The following CAGE1 variants were observed in gnomAD, a reference collection of about 807,000 sequenced individuals.
CAGE1 encodes cancer-associated gene 1 protein.
Under a neutral mutation model 94.9 loss-of-function variants are expected in CAGE1, and 66 were observed. That is an observed-to-expected ratio of 0.70 (90% CI 0.57 to 0.85). CAGE1 has a LOEUF of 0.85. CAGE1 is among the 40% of genes least tolerant of loss of function. The pLI, the probability that CAGE1 is intolerant of heterozygous loss-of-function variation, is 0.00. For missense variants in CAGE1, 865 were observed against 950.4 expected, an observed-to-expected ratio of 0.91 and a Z score of 1.18; for synonymous variants, 319 against 321.0, an observed-to-expected ratio of 0.99 and a Z score of 0.07.
At chr6:7,370,089 G>C in intron 5 of CAGE1, 24 bp from the exon 6 acceptor site, 1 of 1,533,668 alleles carries the variant, frequency 6.5e-7, no homozygotes, top group Non-Finnish European at 8.8e-7. Flanking sequence ...ATTCAGATTT[G>C]TCAAAATAAT....
intron 9 of CAGE1, among the ~76,000 whole-genome samples, chr6:7,358,529 T>C (rs906881968): frequency 2.6e-5 from 4 of 152,178 alleles, no homozygotes; most frequent in African/African-American, 9.7e-5. Flanking sequence ...ACATATGCTT[T>C]CATTTCTCTT....
chr6:7,352,315 A>AC (rs1759808817), intron 11 of CAGE1, among the ~76,000 whole-genome samples: 1 of 111,504 alleles, frequency 9.0e-6, no homozygotes, highest in African/African-American at 5.1e-5. Flanking sequence ...ACAAAAAAAA[A>AC]CAAAAAAAAA....
intron 11 of CAGE1, among the ~76,000 whole-genome samples, chr6:7,342,402 G>A (rs556377181): frequency 2.0e-5 from 3 of 152,286 alleles, no homozygotes; most frequent in East Asian, 1.9e-4. Context: ...ATGGTCTACC[G>A]CAAGTGCAGC....
Position 7,368,900 on chromosome 6 carries a change from A to G in CAGE1, c.1894-102T>C, listed in dbSNP as rs1034803414. 3 of 653,500 alleles carry G rather than the reference A, an allele frequency of 4.6e-6. No homozygotes were observed. In the African/African-American group the frequency reaches 5.7e-5, roughly 12 times the overall value. 40.5% of individuals were successfully genotyped at this position (653,500 alleles called of 1,614,324 possible). On this transcript the variant is annotated intron_variant, in intron 6 of 13. Coordinates refer to ENST00000502583, the MANE Select transcript of CAGE1 (RefSeq NM_001170692.2). ...AACAAAAACAAATCTCCTTTCAATA[A>G]GTAAGCCAATCAAAAGAGGTAAAAT...
rs1176173460 is a variant in CAGE1, at chr6:7,376,361, C to A, written c.688-2230G>T. On this transcript the variant is annotated intron_variant, in intron 4 of 13. Transcript: ENST00000502583. ...CCAAGATGGTGCCACTGCACTGCAG[C>A]CTGGGCGACAGAGCGAGACTCCATC... Among the ~76,000 whole-genome samples the A allele has an allele frequency of 2.6e-5, 4 of 151,478 alleles. No homozygotes were observed. In the East Asian group the frequency reaches 5.9e-4, roughly 22 times the overall value.
intron 12 of CAGE1, chr6:7,331,763 G>T: frequency 6.2e-6 from 1 of 160,430 alleles, no homozygotes; most frequent in Admixed American, 6.4e-5. Context: ...CCTGGGAAGT[G>T]GCAGTGGCAG....
rs988734235 is a variant in CAGE1, at chr6:7,345,083, C to T, written c.2369+9958G>A. On this transcript the variant is annotated intron_variant, in intron 11 of 13. Transcript: ENST00000502583. Reference sequence around the variant, plus strand: ...TGGTGTTGAAAGCTTTGTTCTTTCACCCTGCAGTAAATCTTAACTCTTGTT... The same window carrying T: ...TGGTGTTGAAAGCTTTGTTCTTTCATCCTGCAGTAAATCTTAACTCTTGTT... 4.3e-4 allele frequency among the ~76,000 whole-genome samples: 66 copies of T among 151,944 alleles called. 1 individual carries two copies. The highest frequency in any genetic ancestry group is 9.2e-4 in the African/African-American group (38 of 41,394).
rs111484511 is a variant in CAGE1 at position 7,389,725 on chromosome 6, C to T, written c.-547G>A. The T allele has an allele frequency of 1.8e-5, 10 of 554,740 alleles. No individual in the cohort carries two copies. Among genetic ancestry groups the T allele is most frequent in the Admixed American group, 9.5e-5 (3 of 31,578 alleles). The allele number at this position is 554,740 out of a possible 1,614,324, so 34.4% of individuals were successfully genotyped here. A position where few individuals can be genotyped will look rare whatever the true frequency, so the allele number is the denominator to read the frequency against. On this transcript the variant is annotated 5_prime_UTR_variant, in exon 1 of 14. Coordinates refer to ENST00000502583, the MANE Select transcript of CAGE1 (RefSeq NM_001170692.2). ...AGAACATCCACAGCCCTATACAGCGCGCCATCCAGAGAGCTCCGGACTCCC... is the reference window on the plus strand; with the variant it reads ...AGAACATCCACAGCCCTATACAGCGTGCCATCCAGAGAGCTCCGGACTCCC...
chr6:7,350,972 G>T (rs1239580505), intron 11 of CAGE1, among the ~76,000 whole-genome samples: 1 of 151,998 alleles, frequency 6.6e-6, no homozygotes, highest in Non-Finnish European at 1.5e-5. Flanking sequence ...GAAACAAAAA[G>T]CTGGTTCTTT....
chr6:7,344,554 C>G (rs528724542), intron 11 of CAGE1, among the ~76,000 whole-genome samples: 10 of 152,234 alleles, frequency 6.6e-5, no homozygotes, highest in African/African-American at 9.6e-5. Context: ...CCGCCCCCTG[C>G]TCTACAGCGC....
At chr6:7,351,038 A>G (rs1759750473) in intron 11 of CAGE1, among the ~76,000 whole-genome samples, 1 of 152,228 alleles carries the variant, frequency 6.6e-6, no homozygotes, top group East Asian at 1.9e-4. Flanking sequence ...TTGATAGATC[A>G]TTGATAAATA....
chr6:7,374,688 G>A (rs560607968), intron 4 of CAGE1, among the ~76,000 whole-genome samples: 22 of 152,160 alleles, frequency 1.4e-4, no homozygotes, highest in African/African-American at 4.8e-4. Flanking sequence ...AGAAGAACAT[G>A]CCTCATGATT....
In CAGE1 at chr6:7,328,492, G is replaced by C. The variant is rs148345109; in HGVS notation, c.2478+1357C>G. Among the ~76,000 whole-genome samples the C allele has an allele frequency of 8.1e-3, 1,226 of 150,880 alleles. 7 individuals are homozygous for C. The highest frequency in any genetic ancestry group is 0.014 in the Non-Finnish European group (948 of 67,668). On this transcript the variant is annotated intron_variant, in intron 13 of 13. Coordinates refer to ENST00000502583, the MANE Select transcript of CAGE1 (RefSeq NM_001170692.2). ...ACTGAGTAACTGAGAGAAAGAGTTGGGGAAGAACATACCAAGTAGGAGAAG... is the reference window on the plus strand; with the variant it reads ...ACTGAGTAACTGAGAGAAAGAGTTGCGGAAGAACATACCAAGTAGGAGAAG...
At chr6:7,358,770 A>G (rs531387063) in intron 9 of CAGE1, among the ~76,000 whole-genome samples, 1 of 152,328 alleles carries the variant, frequency 6.6e-6, no homozygotes, top group South Asian at 2.1e-4. Flanking sequence ...CAGTGAGCCA[A>G]GATTGCACCA....
chr6:7,373,382 G>A lies in CAGE1; in HGVS notation c.1437C>T (p.Ala479=), dbSNP rs1385605244. 1 of 1,613,464 alleles carries A rather than the reference G, an allele frequency of 6.2e-7. No individual in the cohort carries two copies. Among genetic ancestry groups the A allele is most frequent in the African/African-American group, 1.3e-5 (1 of 74,828 alleles). The change falls in exon 5 of 14, where the codon GCC becomes GCT. Residue 479 remains alanine, a synonymous_variant. Coordinates refer to ENST00000502583, the MANE Select transcript of CAGE1 (RefSeq NM_001170692.2). ...GTAAAGACAAGAACTCTTGTTCTTG[G>A]GCCTCTTTTTCCCGTTTCAACAAGT... ...ALDLLKREKE[A]QEQEFLSLQE... is the part of the protein sequence containing the mutation.
At chr6:7,363,592 T>C (rs2113428804) in intron 9 of CAGE1, among the ~76,000 whole-genome samples, 1 of 152,346 alleles carries the variant, frequency 6.6e-6, no homozygotes, top group African/African-American at 2.4e-5. Context: ...ATCAAGTACA[T>C]TTCTTTACCC....
At chr6:7,345,060 G>C (rs1355237184) in intron 11 of CAGE1, among the ~76,000 whole-genome samples, 1 of 151,914 alleles carries the variant, frequency 6.6e-6, no homozygotes, top group Admixed American at 6.6e-5. Context: ...CAGATGGCTG[G>C]TGTTGAAAGC....
In CAGE1 at chr6:7,326,682, G is replaced by A. The variant is rs1311475617; in HGVS notation, c.*176C>T. On this transcript the variant is annotated 3_prime_UTR_variant, in exon 14 of 14. Transcript: ENST00000502583. ...TGTTTATGTTAAATAGAATATATTT[G>A]ATTATTCACAGGAAGAAATTAGAAG... The A allele has an allele frequency of 4.9e-6, 3 of 611,238 alleles. No homozygotes were observed. The highest frequency in any genetic ancestry group is 4.4e-4 in the Middle Eastern group (1 of 2,256). 37.9% of individuals were successfully genotyped at this position (611,238 alleles called of 1,614,324 possible).
intron 1 of CAGE1, among the ~76,000 whole-genome samples, chr6:7,387,863 CAAAAAAAAAA>C (rs70978962): frequency 1.8e-5 from 2 of 108,938 alleles, no homozygotes; most frequent in African/African-American, 6.7e-5. Context: ...ACTAAAAATA[CAAAAAAAAAA>C]AAAAAAAAAA....
Sources: allele counts gnomAD v4.1 joint callset (sites outside exome capture counted in the v4.1 genomes callset), GRCh38; gene constraint gnomAD v4.1.1; transcripts MANE v1.5; gene names NCBI Gene and HGNC (gene_info 2026-07-23, HGNC 2026-07-21).